MYH14: variants seen among roughly 807,000 people sequenced by gnomAD.
MYH14 encodes the protein myosin heavy chain 14, also known as myosin-14.
Under a neutral mutation model 255.5 loss-of-function variants are expected in MYH14, and 123 were observed. That is an observed-to-expected ratio of 0.48 (90% confidence interval 0.42 to 0.56). The LOEUF (loss-of-function observed/expected upper bound fraction) is 0.56, where lower values mean the gene tolerates loss of function less well. Among genes scored for constraint, MYH14 ranks in the 20% least tolerant of loss-of-function variants. MYH14 has a pLI of 0.00. For synonymous variants in MYH14, 1,095 were observed against 1,161.2 expected, an observed-to-expected ratio of 0.94 and a Z score of 1.16; for missense variants, 2,423 against 2,802.3, an observed-to-expected ratio of 0.86 and a Z score of 3.06.
chr19:50,224,233 C>T, intron 6 of MYH14, 56 bp downstream of exon 6: 1 of 1,612,446 alleles, frequency 6.2e-7, no homozygotes, highest in Non-Finnish European at 8.5e-7. Flanking sequence ...TCCCGGCCAC[C>T]CAATGCATGA....
chr19:50,260,801 G>A, intron 20 of MYH14, 86 bp downstream of exon 20: 1 of 975,130 alleles, frequency 1.0e-6, no homozygotes, highest in Non-Finnish European at 1.6e-6. Context: ...GCATGCATAT[G>A]TGTGCATGCG....
At chr19:50,260,553 G>A (rs1729449532) in intron 19 of MYH14, 93 bp from the exon 20 acceptor site, 6 of 794,744 alleles carry the variant, frequency 7.5e-6, no homozygotes, top group Middle Eastern at 2.2e-4. Context: ...TTCCTGCTGT[G>A]TGTCACTCTG....
At chr19:50,216,726 A>G (rs1476612852) in intron 2 of MYH14, among the ~76,000 whole-genome samples, 1 of 151,538 alleles carries the variant, frequency 6.6e-6, no homozygotes, top group African/African-American at 2.4e-5. Flanking sequence ...TACCACAGGC[A>G]CCCTTCCAGA....
intron 8 of MYH14, among the ~76,000 whole-genome samples, chr19:50,228,285 C>CAA (rs36078426): frequency 0.014 from 1,707 of 125,932 alleles, 12 homozygotes; most frequent in Middle Eastern, 0.021. Flanking sequence ...GACTCTGTGT[C>CAA]AAAAAAAAAA....
chr19:50,229,071 C>T (rs1426817692), intron 8 of MYH14, among the ~76,000 whole-genome samples: 1 of 152,146 alleles, frequency 6.6e-6, no homozygotes, highest in Non-Finnish European at 1.5e-5. Context: ...CTGCTATCAC[C>T]CCCGCTTCAC....
At position 50,217,638 on chromosome 19, in the gene MYH14, G is replaced by A; in HGVS notation, c.429G>A (p.Val143=). 6 of 1,613,998 alleles carry A rather than the reference G, an allele frequency of 3.7e-6. No individual in the cohort carries two copies. The highest frequency in any genetic ancestry group is 5.1e-6 in the Non-Finnish European group (6 of 1,179,896). The change falls in exon 3 of 43, where the codon GTG becomes GTA. Residue 143 remains valine, a synonymous_variant. Transcript: ENST00000642316. The stretch of plus-strand genomic sequence containing the variant: ...AGACGTACTCCGGCCTTTTCTGTGT[G>A]GTCATCAACCCGTACAAGCAGCTTC... ...LIYTYSGLFC[V]VINPYKQLPI...
At chr19:50,233,739 G>A (rs1014620997) in intron 10 of MYH14, among the ~76,000 whole-genome samples, 3 of 151,894 alleles carry the variant, frequency 2.0e-5, no homozygotes, top group African/African-American at 4.8e-5. Context: ...CGCATCACCC[G>A]ATCTCTGCTT....
intron 7 of MYH14, 88 bp from the exon 8 acceptor site, chr19:50,226,815 G>A (rs2033129408): frequency 8.0e-7 from 1 of 1,247,440 alleles, no homozygotes; most frequent in Middle Eastern, 1.9e-4. Flanking sequence ...AGCTCTGGGA[G>A]CAGTGGGTGT....
At chr19:50,262,524 T>G (rs1600972963) in intron 21 of MYH14, among the ~76,000 whole-genome samples, 9 of 139,482 alleles carry the variant, frequency 6.5e-5, no homozygotes, top group African/African-American at 1.1e-4. Context: ...GGTGGCAGAG[T>G]GAGACTCTGT....
At chr19:50,257,931 A>T (rs1049761201) in intron 18 of MYH14, among the ~76,000 whole-genome samples, 2 of 152,100 alleles carry the variant, frequency 1.3e-5, no homozygotes, top group African/African-American at 4.8e-5. Flanking sequence ...CAGGCAGAGA[A>T]GAGTTTGTAC....
In MYH14 at chr19:50,309,102, A is replaced by G. The variant is rs755242426; in HGVS notation, c.5885A>G (p.Gln1962Arg). Residue 1962 changes from glutamine (Q) to arginine (R), a missense_variant, in exon 42 of 43, where the codon CAG becomes CGG. This residue lies in a region of MYH14 where 1,513 missense variants were observed against 1,674.8 expected (regional missense o/e 0.90). Coordinates refer to ENST00000642316, the MANE Select transcript of MYH14 (RefSeq NM_001145809.2). ...GCTCAGGCCGGCCGCCGGAGGCTGC[A>G]GCGTGAGCTGGAAGATGTCACAGAG... ...SRAQAGRRRLQRELEDVTESA... is the reference protein window; with the variant it reads ...SRAQAGRRRLRRELEDVTESA... 1.4e-5 allele frequency: 23 copies of G among 1,613,806 alleles called. No individual in the cohort carries two copies. Among genetic ancestry groups the G allele is most frequent in the African/African-American group, 2.7e-5 (2 of 74,926 alleles).
At chr19:50,246,893 G>A (rs182079575) in intron 11 of MYH14, 111 bp from the exon 12 acceptor site, 12 of 704,812 alleles carry the variant, frequency 1.7e-5, no homozygotes, top group East Asian at 5.5e-5. Context: ...TGGGAAAGGC[G>A]GGGCCCGTCT....
chr19:50,298,494 G>A (rs142949803), intron 39 of MYH14, among the ~76,000 whole-genome samples: 106 of 152,056 alleles, frequency 7.0e-4, no homozygotes, highest in Middle Eastern at 3.4e-3. Flanking sequence ...GGCCAAGCGC[G>A]GTGGCTCACA....
chr19:50,276,646 G>A lies in MYH14; in HGVS notation c.3681-111G>A, dbSNP rs1374076465. The stretch of plus-strand genomic sequence containing the variant: ...CCAGATCTCCTGAGGAGCATAACAT[G>A]AGGCCCTCATATTTTAAGGAAACAT... On this transcript the variant is annotated intron_variant, in intron 28 of 42. Coordinates refer to ENST00000642316, the MANE Select transcript of MYH14 (RefSeq NM_001145809.2). The surrounding 1 kb of genome is among the most constrained non-coding windows in gnomAD (Gnocchi z 4.3). The A allele has an allele frequency of 2.1e-6, 3 of 1,402,214 alleles. No homozygotes were observed. The South Asian group carries it at 3.6e-5, about 17-fold the overall frequency. 86.9% of individuals were successfully genotyped at this position (1,402,214 alleles called of 1,614,324 possible).
At chr19:50,290,794 C>A in intron 35 of MYH14, 93 bp from the exon 36 acceptor site, 1 of 1,338,996 alleles carries the variant, frequency 7.5e-7, no homozygotes, top group Non-Finnish European at 1.0e-6. Context: ...GCAGCCTGGG[C>A]AGGAGCTCCA....
intron 10 of MYH14, among the ~76,000 whole-genome samples, chr19:50,232,348 T>C (rs1966138023): frequency 6.6e-6 from 1 of 152,108 alleles, no homozygotes; most frequent in Non-Finnish European, 1.5e-5. Context: ...TCCCAGCACT[T>C]TGGGAGTCCC....
chr19:50,264,305 A>G (rs1651547), intron 22 of MYH14, among the ~76,000 whole-genome samples: 41,777 of 152,012 alleles, frequency 0.27, 6,060 homozygotes, highest in East Asian at 0.53. Context: ...GGTCACACAC[A>G]TGGTGACCTC....
intron 13 of MYH14, 176 bp from the exon 14 acceptor site, chr19:50,249,474 C>T (rs2034272620): frequency 1.4e-6 from 1 of 724,642 alleles, no homozygotes; most frequent in Non-Finnish European, 2.3e-6. Context: ...CTGTCTCTGG[C>T]TCTGTCCCCT....
intron 36 of MYH14, 27 bp downstream of exon 36, chr19:50,291,075 G>T (rs367548703): frequency 2.6e-5 from 42 of 1,608,404 alleles, no homozygotes; most frequent in Non-Finnish European, 3.6e-5. Flanking sequence ...GCTGCAGGGA[G>T]GGGAGGCTTT....
Sources: allele counts gnomAD v4.1 joint callset (sites outside exome capture counted in the v4.1 genomes callset), GRCh38; gene constraint gnomAD v4.1.1; regional missense constraint gnomAD v4.1.1; non-coding constraint Gnocchi (gnomAD v3.1); transcripts MANE v1.5; gene names NCBI Gene and HGNC (gene_info 2026-07-23, HGNC 2026-07-21).